Variants in AGMO observed in about 807,000 individuals in gnomAD.
The protein encoded by AGMO is alkylglycerol monooxygenase.
A neutral mutation model predicts 60.2 loss-of-function variants in AGMO; 75 were observed. That is an observed-to-expected ratio of 1.25 (90% CI 1.03 to 1.51). The LOEUF (loss-of-function observed/expected upper bound fraction) is 1.51, where lower values mean the gene tolerates loss of function less well. Among genes scored for constraint, AGMO ranks in the 40% most tolerant of loss-of-function variants. AGMO has a pLI of 0.00. For synonymous variants in AGMO, 261 were observed against 177.1 expected (o/e 1.47, Z -3.76); for missense variants, 763 against 525.5 (o/e 1.45, Z -4.42).
intron 12 of AGMO, among the ~76,000 whole-genome samples, chr7:15,299,859 AC>A (rs1784514842): frequency 3.3e-5 from 5 of 150,782 alleles, no homozygotes; most frequent in Non-Finnish European, 7.4e-5. Context: ...ACACACACAC[AC>A]ACACACACAC....
chr7:15,387,266 G>C, intron 9 of AGMO, 140 bp downstream of exon 9: 1 of 940,790 alleles, frequency 1.1e-6, no homozygotes. Context: ...CATTAAGTAA[G>C]TTATGCACCA....
At chr7:15,277,178 G>A (rs1330339760) in intron 12 of AGMO, among the ~76,000 whole-genome samples, 1 of 151,838 alleles carries the variant, frequency 6.6e-6, no homozygotes, top group African/African-American at 2.4e-5. Flanking sequence ...CATGGTGGTG[G>A]GTGCCTGTAA....
chr7:15,368,474 G>A (rs1027895240), intron 10 of AGMO, among the ~76,000 whole-genome samples: 1 of 152,068 alleles, frequency 6.6e-6, no homozygotes, highest in African/African-American at 2.4e-5. Context: ...TAAGAACACA[G>A]AATTTGTTTT....
At chr7:15,118,863 C>A in the AGMO span, among the ~76,000 whole-genome samples, 1 of 136,628 alleles carries the variant, frequency 7.3e-6, no homozygotes, top group Non-Finnish European at 1.5e-5. Flanking sequence ...TTGGATAATT[C>A]CCAGACGTCA....
intron 3 of AGMO, among the ~76,000 whole-genome samples, chr7:15,471,380 A>T (rs907965357): frequency 2.0e-5 from 3 of 151,782 alleles, no homozygotes; most frequent in African/African-American, 7.3e-5. Flanking sequence ...AATAATTATG[A>T]GTCTACACAG....
intron 12 of AGMO, among the ~76,000 whole-genome samples, chr7:15,203,706 T>C (rs138935506): frequency 1.4e-4 from 22 of 152,194 alleles, no homozygotes; most frequent in South Asian, 8.3e-4. Context: ...TGTACTGGTA[T>C]CCAATTTGGC....
chr7:15,488,285 T>A (rs1477928636), intron 3 of AGMO, among the ~76,000 whole-genome samples: 1 of 152,226 alleles, frequency 6.6e-6, no homozygotes, highest in Non-Finnish European at 1.5e-5. Flanking sequence ...GTTGGCAAAA[T>A]TCTTTTTTAA....
chr7:15,236,885 G>C (rs887142455), intron 12 of AGMO, among the ~76,000 whole-genome samples: 32 of 151,800 alleles, frequency 2.1e-4, no homozygotes, highest in African/African-American at 7.0e-4. Flanking sequence ...CCTAAAACCT[G>C]ATCAACTAAG....
intron 10 of AGMO, among the ~76,000 whole-genome samples, chr7:15,380,548 G>C (rs1783637662): frequency 6.6e-6 from 1 of 152,096 alleles, no homozygotes; most frequent in Admixed American, 6.6e-5. Context: ...CATGTTCATG[G>C]ATAGCAAGAT....
rs554118165 is a variant in AGMO at position 15,479,314 on chromosome 7, T to A, written c.410-48206A>T. On this transcript the variant is annotated intron_variant, in intron 3 of 12. Transcript: ENST00000342526. ...TCAAAGTTAAGCAAAATCTAATGGA[T>A]TGAATACACAGGTGATATCAACATC... Among the ~76,000 whole-genome samples the A allele has an allele frequency of 1.9e-4, 29 of 152,150 alleles. No homozygotes were observed. The South Asian group carries it at 3.1e-3, about 16-fold the overall frequency.
At chr7:15,554,317 G>A (rs1252613296) in intron 2 of AGMO, among the ~76,000 whole-genome samples, 1 of 151,868 alleles carries the variant, frequency 6.6e-6, no homozygotes, top group African/African-American at 2.4e-5. Flanking sequence ...TACGTATATA[G>A]TAAGCTTACT....
intron 12 of AGMO, among the ~76,000 whole-genome samples, chr7:15,323,667 A>G (rs939230349): frequency 2.6e-5 from 4 of 152,168 alleles, no homozygotes; most frequent in Non-Finnish European, 4.4e-5. Context: ...CCGAGCTTGC[A>G]GTGCATGACT....
chr7:15,398,468 G>A (rs551390883), intron 5 of AGMO, among the ~76,000 whole-genome samples: 2 of 152,288 alleles, frequency 1.3e-5, no homozygotes, highest in African/African-American at 4.8e-5. Flanking sequence ...CTCTGAGTGA[G>A]AGATGATTCA....
intron 12 of AGMO, among the ~76,000 whole-genome samples, chr7:15,252,800 T>C (rs1782977504): frequency 6.6e-6 from 1 of 152,146 alleles, no homozygotes; most frequent in South Asian, 2.1e-4. Context: ...ACTTAAGCCA[T>C]TTTAAGAAAA....
intron 12 of AGMO, among the ~76,000 whole-genome samples, chr7:15,248,749 T>A (rs1782843417): frequency 6.6e-6 from 1 of 152,216 alleles, no homozygotes; most frequent in South Asian, 2.1e-4. Flanking sequence ...TGAATGGGCA[T>A]GTAGATGCCA....
chr7:15,385,672 G>C (rs1783882861), intron 9 of AGMO, 110 bp from the exon 10 acceptor site: 2 of 701,374 alleles, frequency 2.9e-6, no homozygotes, highest in Non-Finnish European at 5.0e-6. Flanking sequence ...TTTAAAAAAA[G>C]ACAAACATAA....
intron 10 of AGMO, among the ~76,000 whole-genome samples, chr7:15,366,672 C>CAT (rs569674232): frequency 6.6e-6 from 1 of 151,868 alleles, no homozygotes; most frequent in Non-Finnish European, 1.5e-5. Flanking sequence ...TGAGTGAAAA[C>CAT]ATATATATAA....
chr7:15,388,729 C>G (rs1457504052), intron 8 of AGMO, among the ~76,000 whole-genome samples: 1 of 152,088 alleles, frequency 6.6e-6, no homozygotes, highest in East Asian at 1.9e-4. Flanking sequence ...GCTTTGATGC[C>G]TCTGCAGAAT....
At chr7:15,160,246 C>T in the AGMO span, among the ~76,000 whole-genome samples, 1 of 152,102 alleles carries the variant, frequency 6.6e-6, no homozygotes, top group South Asian at 2.1e-4. Context: ...TTTCCTTCTT[C>T]TTCATATACC....
Sources: gnomAD v4.1 joint callset for allele counts (sites outside exome capture counted in the v4.1 genomes callset) on GRCh38, gnomAD v4.1.1 for gene constraint, MANE v1.5 for transcripts, NCBI Gene and HGNC (gene_info 2026-07-23, HGNC 2026-07-21) for gene names.